KLHL1: variants seen among roughly 807,000 people sequenced by gnomAD.
The protein encoded by KLHL1 is kelch-like protein 1.
In KLHL1, 47 loss-of-function variants were observed where a neutral mutation model predicts 77.7. The observed-to-expected ratio is 0.60, with a 90% CI of 0.48 to 0.77. KLHL1 has a LOEUF of 0.77. KLHL1 is among the 30% of genes least tolerant of loss of function. The pLI, the probability that KLHL1 is intolerant of heterozygous loss-of-function variation, is 0.00. For missense variants in KLHL1, 925 were observed against 910.8 expected (o/e 1.02, Z -0.20); for synonymous variants, 360 against 325.2 (o/e 1.11, Z -1.15).
intron 7 of KLHL1, among the ~76,000 whole-genome samples, chr13:69,781,050 T>C (rs1876163395): frequency 1.3e-5 from 2 of 151,546 alleles, no homozygotes; most frequent in Non-Finnish European, 2.9e-5. Context: ...ATCAGACTTC[T>C]TCTAAGCAAT....
At chr13:69,993,409 G>A (rs1347536148) in intron 1 of KLHL1, among the ~76,000 whole-genome samples, 1 of 151,980 alleles carries the variant, frequency 6.6e-6, no homozygotes, top group East Asian at 1.9e-4. Context: ...GATTGGATGG[G>A]GTTCCTCATA....
At chr13:70,067,512 C>G (rs1360493010) in intron 1 of KLHL1, among the ~76,000 whole-genome samples, 1 of 151,998 alleles carries the variant, frequency 6.6e-6, no homozygotes, top group African/African-American at 2.4e-5. Flanking sequence ...AAGCATGATA[C>G]GCAGATGATC....
chr13:69,848,418 C>A (rs1463029277), intron 5 of KLHL1, among the ~76,000 whole-genome samples: 1 of 151,436 alleles, frequency 6.6e-6, no homozygotes, highest in Non-Finnish European at 1.5e-5. Flanking sequence ...ATAGTTCCTC[C>A]TCTTACATTT....
At chr13:69,821,557 C>G (rs762891440) in intron 6 of KLHL1, among the ~76,000 whole-genome samples, 1 of 152,054 alleles carries the variant, frequency 6.6e-6, no homozygotes, top group Non-Finnish European at 1.5e-5. Flanking sequence ...TCAGCTGATC[C>G]GCCCTCCTTG....
intron 6 of KLHL1, among the ~76,000 whole-genome samples, chr13:69,827,564 T>C (rs1336708218): frequency 1.3e-5 from 2 of 151,710 alleles, no homozygotes; most frequent in Non-Finnish European, 2.9e-5. Context: ...ACCCCGTCTC[T>C]ACAGAAAATA....
intron 10 of KLHL1, among the ~76,000 whole-genome samples, chr13:69,705,743 T>G (rs1225192474): frequency 6.6e-6 from 1 of 151,760 alleles, no homozygotes; most frequent in Non-Finnish European, 1.5e-5. Flanking sequence ...ATATTTTAAA[T>G]GCCACTTTGC....
chr13:70,050,098 T>C (rs555162905), intron 1 of KLHL1, among the ~76,000 whole-genome samples: 17 of 152,130 alleles, frequency 1.1e-4, no homozygotes, highest in African/African-American at 4.1e-4. Context: ...ATTATTTAAA[T>C]TGAGCAGATG....
chr13:69,969,507 A>G (rs1421799697), intron 2 of KLHL1, among the ~76,000 whole-genome samples: 1 of 152,148 alleles, frequency 6.6e-6, no homozygotes, highest in Non-Finnish European at 1.5e-5. Context: ...GAGGATAAAT[A>G]TATTTCCTAT....
At chr13:69,895,280 C>G (rs186403217) in intron 4 of KLHL1, among the ~76,000 whole-genome samples, 14 of 152,190 alleles carry the variant, frequency 9.2e-5, no homozygotes, top group African/African-American at 3.1e-4. Flanking sequence ...CTAGTTGGTA[C>G]AAGAGGTTCA....
rs184585748 is a variant in KLHL1 at position 69,837,626 on chromosome 13, G to A, written c.1414+1350C>T. 9.4e-3 allele frequency among the ~76,000 whole-genome samples: 1,240 copies of A among 132,178 alleles called. 59 individuals carry two copies. Among genetic ancestry groups the A allele is most frequent in the African/African-American group, 0.039 (1,163 of 30,066 alleles). The allele number at this position is 132,178 out of a possible 152,430, so 86.7% of individuals were successfully genotyped here. On this transcript the variant is annotated intron_variant, in intron 6 of 10. Coordinates refer to ENST00000377844, the MANE Select transcript of KLHL1 (RefSeq NM_020866.3). ...TACATCTCTCTCTCTATATATATGT[G>A]TGTGTATATATATATATGTGTATAT...
chr13:69,892,994 G>T (rs1392411616), intron 4 of KLHL1, among the ~76,000 whole-genome samples: 1 of 152,028 alleles, frequency 6.6e-6, no homozygotes, highest in South Asian at 2.1e-4. Context: ...TTTACTAGTT[G>T]CTTACAACCA....
At chr13:69,704,283 C>T (rs1452704449) in intron 10 of KLHL1, among the ~76,000 whole-genome samples, 1 of 151,636 alleles carries the variant, frequency 6.6e-6, no homozygotes, top group African/African-American at 2.4e-5. Context: ...ATCCTTGACC[C>T]TTCTTTTTAC....
At chr13:69,805,980 A>G (rs1228029291) in intron 6 of KLHL1, among the ~76,000 whole-genome samples, 1 of 152,142 alleles carries the variant, frequency 6.6e-6, no homozygotes, top group Non-Finnish European at 1.5e-5. Flanking sequence ...ATTAAAAAGT[A>G]TATAACTATA....
At chr13:69,940,707 T>A (rs1362142624) in intron 3 of KLHL1, among the ~76,000 whole-genome samples, 1 of 151,422 alleles carries the variant, frequency 6.6e-6, no homozygotes, top group Non-Finnish European at 1.5e-5. Context: ...TAACCCACTG[T>A]ACTCATGTTT....
At chr13:69,805,568 T>C (rs1593848444) in intron 6 of KLHL1, among the ~76,000 whole-genome samples, 1 of 150,820 alleles carries the variant, frequency 6.6e-6, no homozygotes, top group East Asian at 1.9e-4. Flanking sequence ...AATATTTAAA[T>C]AAAAATTAAA....
At chr13:70,030,533 C>A (rs1224968900) in intron 1 of KLHL1, among the ~76,000 whole-genome samples, 1 of 152,146 alleles carries the variant, frequency 6.6e-6, no homozygotes. Flanking sequence ...TAAAGATGTT[C>A]TTTGAAACCA....
At chr13:69,854,421 A>G (rs1044041448) in intron 5 of KLHL1, among the ~76,000 whole-genome samples, 4 of 151,982 alleles carry the variant, frequency 2.6e-5, no homozygotes, top group African/African-American at 9.7e-5. Context: ...AAACTAACTT[A>G]CTACCACAAG....
At chr13:69,751,867 G>A (rs1874500059) in intron 7 of KLHL1, among the ~76,000 whole-genome samples, 1 of 152,086 alleles carries the variant, frequency 6.6e-6, no homozygotes, top group Non-Finnish European at 1.5e-5. Context: ...TGTGATGCAA[G>A]TTGACATAAG....
At chr13:70,045,103 C>G (rs1886464103) in intron 1 of KLHL1, among the ~76,000 whole-genome samples, 1 of 151,988 alleles carries the variant, frequency 6.6e-6, no homozygotes, top group African/African-American at 2.4e-5. Context: ...GAACTGTTAC[C>G]CCAAAGTCAA....
Sources: gnomAD v4.1 joint callset for allele counts (sites outside exome capture counted in the v4.1 genomes callset) on GRCh38, gnomAD v4.1.1 for gene constraint, MANE v1.5 for transcripts, NCBI Gene and HGNC (gene_info 2026-07-23, HGNC 2026-07-21) for gene names.